TMEM132B: variants seen among roughly 807,000 people sequenced by gnomAD.
The protein encoded by TMEM132B is transmembrane protein 132B.
TMEM132B carries 18 observed loss-of-function variants against 90.8 expected under a neutral mutation model. The ratio of observed to expected loss-of-function variants is 0.20; its 90% CI spans 0.14 to 0.29. TMEM132B has a LOEUF of 0.29. Ranked by LOEUF, TMEM132B falls within the 10% of genes least tolerant of loss-of-function variation. The pLI is 1.00. For synonymous variants in TMEM132B, 504 were observed against 523.3 expected, an observed-to-expected ratio of 0.96 and a Z score of 0.50; for missense variants, 1,096 against 1,326.8, an observed-to-expected ratio of 0.83 and a Z score of 2.70.
chr12:125,551,324 C>T (rs915411878), intron 4 of TMEM132B, among the ~76,000 whole-genome samples: 4 of 152,184 alleles, frequency 2.6e-5, no homozygotes, highest in African/African-American at 9.7e-5. Flanking sequence ...GAAACCAAAC[C>T]CTGGGCTTTT....
chr12:125,542,920 C>G (rs1393336192), intron 4 of TMEM132B, among the ~76,000 whole-genome samples: 1 of 152,188 alleles, frequency 6.6e-6, no homozygotes, highest in African/African-American at 2.4e-5. Flanking sequence ...AATGTGGCAG[C>G]TGTTGGACTG....
chr12:125,193,703 A>C (rs1008598920), intron 1 of TMEM132B, among the ~76,000 whole-genome samples: 1 of 152,234 alleles, frequency 6.6e-6, no homozygotes, highest in African/African-American at 2.4e-5. Context: ...GCAAGTGCTC[A>C]AGAAATGGCA....
chr12:125,436,053 G>A (rs1172168679), intron 3 of TMEM132B, among the ~76,000 whole-genome samples: 1 of 152,078 alleles, frequency 6.6e-6, no homozygotes, highest in Admixed American at 6.5e-5. Flanking sequence ...TCTGTTCCGA[G>A]GCAAAGCATC....
At position 125,213,731 on chromosome 12, in the gene TMEM132B, A is replaced by G. The variant is rs1873373295; in HGVS notation, c.67+26865A>G. On this transcript the variant is annotated intron_variant, in intron 1 of 8. Coordinates refer to ENST00000682704, the MANE Select transcript of TMEM132B (RefSeq NM_001366854.1). This position sits in a 1 kb window ranked among gnomAD's most constrained non-coding sequence, Gnocchi z 4.2. ...TGATCTAGCGTCCCTTGCTCTAGAT[A>G]GAGTGTGATCTCTGTAAGTATAGAT... is the stretch of plus-strand genomic sequence containing the variant. Among the ~76,000 whole-genome samples the G allele has an allele frequency of 1.3e-5, 2 of 152,242 alleles. No homozygotes were observed.
chr12:125,204,109 C>T (rs569658791), intron 1 of TMEM132B, among the ~76,000 whole-genome samples: 1 of 152,374 alleles, frequency 6.6e-6, no homozygotes, highest in Admixed American at 6.5e-5. Context: ...ATGAGGGCTC[C>T]CTGTGCCAGG....
rs1555247561 is a variant in TMEM132B at position 125,415,711 on chromosome 12, T to G, written c.1106+34T>G. On this transcript the variant is annotated intron_variant, in intron 3 of 8. Transcript: ENST00000682704. The surrounding 1 kb of genome is among the most constrained non-coding windows in gnomAD (Gnocchi z 5.3). ...GGAGATCCCCAAGGCACCTCCGCAG[T>G]GGGGAGGAGGGGAGTGGCTGCCAGA... 14 of 1,609,896 alleles carry G rather than the reference T, an allele frequency of 8.7e-6. No homozygotes were observed. The South Asian group carries it at 1.4e-4, about 17-fold the overall frequency.
At chr12:125,382,168 T>C (rs1878705407) in intron 2 of TMEM132B, among the ~76,000 whole-genome samples, 1 of 152,234 alleles carries the variant, frequency 6.6e-6, no homozygotes, top group Non-Finnish European at 1.5e-5. Context: ...TAGGTTACTA[T>C]CACATGATTT....
chr12:125,598,220 G>A (rs1358083735), intron 5 of TMEM132B, among the ~76,000 whole-genome samples: 1 of 152,152 alleles, frequency 6.6e-6, no homozygotes, highest in Non-Finnish European at 1.5e-5. Flanking sequence ...TAATGAAGAT[G>A]AAGTGAACAC....
At chr12:125,553,501 C>T (rs566576272) in intron 4 of TMEM132B, among the ~76,000 whole-genome samples, 1 of 152,254 alleles carries the variant, frequency 6.6e-6, no homozygotes. Flanking sequence ...CGCTGGGGCT[C>T]AGGGGAGGCT....
chr12:125,309,826 C>A (rs1261703964), intron 1 of TMEM132B, among the ~76,000 whole-genome samples: 1 of 152,170 alleles, frequency 6.6e-6, no homozygotes, highest in Non-Finnish European at 1.5e-5. Flanking sequence ...TTATTTTGCT[C>A]ACTAGTTTAG....
chr12:125,262,139 T>C (rs1332285070), intron 1 of TMEM132B, among the ~76,000 whole-genome samples: 1 of 150,842 alleles, frequency 6.6e-6, no homozygotes, highest in African/African-American at 2.4e-5. Flanking sequence ...CTGGGCACAG[T>C]GGCTCACATC....
At chr12:125,610,261 C>T (rs1348003519) in intron 5 of TMEM132B, among the ~76,000 whole-genome samples, 1 of 152,060 alleles carries the variant, frequency 6.6e-6, no homozygotes, top group Non-Finnish European at 1.5e-5. Flanking sequence ...GCTAGAACTT[C>T]CTGTACAATG....
intron 1 of TMEM132B, among the ~76,000 whole-genome samples, chr12:125,206,985 T>A (rs1305016247): frequency 6.6e-6 from 1 of 152,166 alleles, no homozygotes; most frequent in Admixed American, 6.5e-5. Context: ...CCCCGCCTGT[T>A]TCTCTGTGCA....
chr12:125,637,882 C>T (rs893374435), intron 5 of TMEM132B, among the ~76,000 whole-genome samples: 2 of 152,182 alleles, frequency 1.3e-5, no homozygotes, highest in African/African-American at 4.8e-5. Flanking sequence ...TGAAAAGACG[C>T]ATTAGGATCT....
intron 1 of TMEM132B, among the ~76,000 whole-genome samples, chr12:125,283,691 T>G (rs939858036): frequency 6.6e-6 from 1 of 152,262 alleles, no homozygotes; most frequent in East Asian, 1.9e-4. Flanking sequence ...GCAGCTGTCC[T>G]GTAATGCGTC....
chr12:125,585,915 A>C (rs1045125236), intron 5 of TMEM132B: 5 of 152,196 alleles, frequency 3.3e-5, no homozygotes, highest in Non-Finnish European at 5.9e-5. Context: ...GGATTCCAGG[A>C]CTGTTGCAAG....
intron 5 of TMEM132B, among the ~76,000 whole-genome samples, chr12:125,641,875 C>T (rs1001885555): frequency 1.3e-5 from 2 of 152,142 alleles, no homozygotes; most frequent in Non-Finnish European, 2.9e-5. Context: ...GAGGTCTGCA[C>T]TACAGAACAT....
chr12:125,509,367 G>T (rs772633948), intron 3 of TMEM132B, among the ~76,000 whole-genome samples: 11 of 152,192 alleles, frequency 7.2e-5, no homozygotes, highest in Non-Finnish European at 1.5e-4. Context: ...GATTATCCTT[G>T]CTGGTCCTGT....
intron 3 of TMEM132B, among the ~76,000 whole-genome samples, chr12:125,473,379 T>TC (rs1295238159): frequency 6.6e-6 from 1 of 152,228 alleles, no homozygotes; most frequent in African/African-American, 2.4e-5. Flanking sequence ...TTATTTACTT[T>TC]CTTTTTTTCT....
Sources: gnomAD v4.1 joint callset for allele counts (sites outside exome capture counted in the v4.1 genomes callset) on GRCh38, gnomAD v4.1.1 for gene constraint, Gnocchi (gnomAD v3.1) non-coding constraint, MANE v1.5 for transcripts, NCBI Gene and HGNC (gene_info 2026-07-23, HGNC 2026-07-21) for gene names.